CAP2: variants seen among roughly 807,000 people sequenced by gnomAD.
CAP2 encodes adenylyl cyclase-associated protein 2.
Under a neutral mutation model 57.7 loss-of-function variants are expected in CAP2, and 24 were observed. That is an observed-to-expected ratio of 0.42 (90% CI 0.30 to 0.58). The LOEUF (loss-of-function observed/expected upper bound fraction) is 0.58, where lower values mean the gene tolerates loss of function less well. CAP2 is among the 20% of genes least tolerant of loss of function. The pLI, the probability that CAP2 is intolerant of heterozygous loss-of-function variation, is 0.22. For missense variants in CAP2, 501 were observed against 590.3 expected, an observed-to-expected ratio of 0.85 and a Z score of 1.57; for synonymous variants, 194 against 207.2, an observed-to-expected ratio of 0.94 and a Z score of 0.55.
chr6:17,551,498 A>G lies in CAP2; in HGVS notation c.1244A>G (p.Lys415Arg). Residue 415 changes from lysine (K) to arginine (R), a missense_variant, in exon 12 of 13, where the codon AAG becomes AGG. Transcript: ENST00000229922. ...AGAGTGCCAACAATTTCCATTAATA[A>G]GACAGAAGGTTGCCACATATACCTC... ...MGRVPTISIN[K>R]TEGCHIYLSE... 1 of 1,609,960 alleles carries G rather than the reference A, an allele frequency of 6.2e-7. No homozygotes were observed. The highest frequency in any genetic ancestry group is 1.1e-5 in the South Asian group (1 of 90,482).
intron 4 of CAP2, among the ~76,000 whole-genome samples, chr6:17,497,258 G>A (rs192015211): frequency 2.0e-5 from 3 of 152,298 alleles, no homozygotes; most frequent in African/African-American, 4.8e-5. Context: ...TTTAAGTAAA[G>A]CTCAAGTGAG....
At chr6:17,435,728 A>AAAAAAAAAAAAAAAAC (rs1759861968) in intron 3 of CAP2, among the ~76,000 whole-genome samples, 1 of 141,910 alleles carries the variant, frequency 7.0e-6, no homozygotes. Context: ...AAAAAAAAAA[A>AAAAAAAAAAAAAAAAC]AAAACAAAAA....
At chr6:17,440,543 G>A (rs1760041133) in intron 3 of CAP2, among the ~76,000 whole-genome samples, 2 of 150,602 alleles carry the variant, frequency 1.3e-5, no homozygotes, top group Non-Finnish European at 2.9e-5. Context: ...GTTGACAGAG[G>A]CTTATCTTTT....
intron 3 of CAP2, among the ~76,000 whole-genome samples, chr6:17,460,856 C>T (rs956868363): frequency 2.6e-5 from 4 of 152,156 alleles, no homozygotes; most frequent in African/African-American, 9.7e-5. Flanking sequence ...TATTTTAAAA[C>T]TCTAATCTTT....
intron 7 of CAP2, among the ~76,000 whole-genome samples, chr6:17,537,350 C>T (rs2113695467): frequency 6.6e-6 from 1 of 152,068 alleles, no homozygotes; most frequent in East Asian, 1.9e-4. Flanking sequence ...CCATGCTCAG[C>T]TAATTTTTTG....
chr6:17,475,969 G>C (rs552017186), intron 4 of CAP2, among the ~76,000 whole-genome samples: 19 of 152,164 alleles, frequency 1.2e-4, no homozygotes, highest in Non-Finnish European at 2.6e-4. Flanking sequence ...TGAACAACAG[G>C]AGTCCCATCA....
At chr6:17,447,864 T>G (rs969077250) in intron 3 of CAP2, among the ~76,000 whole-genome samples, 1 of 152,222 alleles carries the variant, frequency 6.6e-6, no homozygotes, top group African/African-American at 2.4e-5. Flanking sequence ...AAGTTGGGAA[T>G]GGCTATGTGT....
chr6:17,506,354 C>T (rs1200304487), intron 4 of CAP2, among the ~76,000 whole-genome samples: 12 of 151,878 alleles, frequency 7.9e-5, no homozygotes. Flanking sequence ...GATAAGCCAT[C>T]ACATTTTCTT....
intron 1 of CAP2, among the ~76,000 whole-genome samples, chr6:17,408,791 G>A (rs1759058589): frequency 6.6e-6 from 1 of 150,518 alleles, no homozygotes; most frequent in Non-Finnish European, 1.5e-5. Flanking sequence ...CTCCCGAGTA[G>A]CTCGAGTAGC....
chr6:17,518,060 T>C (rs1427938150), intron 7 of CAP2, among the ~76,000 whole-genome samples: 1 of 152,142 alleles, frequency 6.6e-6, no homozygotes, highest in Non-Finnish European at 1.5e-5. Context: ...GGGAATATTC[T>C]ATTCAAAATG....
intron 7 of CAP2, among the ~76,000 whole-genome samples, chr6:17,525,985 G>A (rs1245242793): frequency 1.3e-5 from 2 of 152,116 alleles, no homozygotes; most frequent in South Asian, 2.1e-4. Flanking sequence ...GGACAGCAGT[G>A]ACTTGAAAAC....
At chr6:17,476,150 G>A (rs567393657) in intron 4 of CAP2, among the ~76,000 whole-genome samples, 1 of 152,262 alleles carries the variant, frequency 6.6e-6, no homozygotes, top group Admixed American at 6.5e-5. Flanking sequence ...TACAAACCAA[G>A]ATACAACTAA....
chr6:17,435,802 C>T lies in CAP2; in HGVS notation c.222+9112C>T, dbSNP rs138096130. Among the ~76,000 whole-genome samples, 357 of 147,832 alleles carry T rather than the reference C, an allele frequency of 2.4e-3. 1 individual carries two copies. Among genetic ancestry groups the T allele is most frequent in the African/African-American group, 8.3e-3 (336 of 40,294 alleles). ...TCTAGAGCTTCTTCACTGTTTTTTA[C>T]GGCTTCAAAATACTCCTCTGTGTAG... On this transcript the variant is annotated intron_variant, in intron 3 of 12. Coordinates refer to ENST00000229922, the MANE Select transcript of CAP2 (RefSeq NM_006366.3).
At chr6:17,518,513 G>GC (rs1561813295) in intron 7 of CAP2, among the ~76,000 whole-genome samples, 1 of 152,124 alleles carries the variant, frequency 6.6e-6, no homozygotes, top group Non-Finnish European at 1.5e-5. Flanking sequence ...TCATTTGTTT[G>GC]CCCACTGATC....
At chr6:17,553,395 A>G (rs1008807329) in intron 12 of CAP2, among the ~76,000 whole-genome samples, 1 of 152,120 alleles carries the variant, frequency 6.6e-6, no homozygotes, top group African/African-American at 2.4e-5. Flanking sequence ...GCACTTTGGG[A>G]GGCCGAGGCG....
At chr6:17,436,988 T>C (rs559898102) in intron 3 of CAP2, among the ~76,000 whole-genome samples, 1 of 152,238 alleles carries the variant, frequency 6.6e-6, no homozygotes, top group African/African-American at 2.4e-5. Flanking sequence ...TTGTGCTCCT[T>C]ATGAGAATCT....
intron 2 of CAP2, among the ~76,000 whole-genome samples, chr6:17,424,412 G>T (rs997546277): frequency 1.3e-5 from 2 of 152,138 alleles, no homozygotes; most frequent in African/African-American, 2.4e-5. Context: ...AAAAAAAAGA[G>T]AAACTTTTAG....
At chr6:17,435,170 C>G in intron 3 of CAP2, among the ~76,000 whole-genome samples, 2 of 111,550 alleles carry the variant, frequency 1.8e-5, no homozygotes, top group African/African-American at 3.4e-5. Context: ...ACCCAGCCAT[C>G]CCATTACTGG....
chr6:17,453,352 T>C (rs1157225489), intron 3 of CAP2, among the ~76,000 whole-genome samples: 1 of 152,238 alleles, frequency 6.6e-6, no homozygotes, highest in Non-Finnish European at 1.5e-5. Flanking sequence ...CTTTCCATTA[T>C]TGATTTGTTG....
Sources: allele counts gnomAD v4.1 joint callset (sites outside exome capture counted in the v4.1 genomes callset), GRCh38; gene constraint gnomAD v4.1.1; transcripts MANE v1.5; gene names NCBI Gene and HGNC (gene_info 2026-07-23, HGNC 2026-07-21).